The following DOCK8 variants were observed in gnomAD, a reference collection of about 807,000 sequenced individuals.
DOCK8 encodes the protein dedicator of cytokinesis 8, also known as dedicator of cytokinesis protein 8.
A neutral mutation model predicts 245.6 loss-of-function variants in DOCK8; 141 were observed. That is an observed-to-expected ratio of 0.57 (90% CI 0.50 to 0.66). DOCK8 has a LOEUF of 0.66. Among genes scored for constraint, DOCK8 ranks in the 30% least tolerant of loss-of-function variants. The pLI is 0.00. For synonymous variants in DOCK8, 1,168 were observed against 970.2 expected, an observed-to-expected ratio of 1.20 and a Z score of -3.79; for missense variants, 2,965 against 2,603.4, an observed-to-expected ratio of 1.14 and a Z score of -3.02.
rs530827485 is a variant in DOCK8, at chr9:461,527, A to ATTTTTTTTTTTTT, written c.6069-1973_6069-1961dup. On this transcript the variant is annotated intron_variant, in intron 46 of 47. Transcript: ENST00000432829. ...GAGTTTTTTGTCTTTTAGCAACTGC[A>ATTTTTTTTTTTTT]TTTTTTTTTTTTTTTTTTTTTTTTT... is the stretch of plus-strand genomic sequence containing the variant. Among the ~76,000 whole-genome samples, 10 of 67,286 alleles carry ATTTTTTTTTTTTT rather than the reference A, an allele frequency of 1.5e-4. 4 individuals are homozygous for ATTTTTTTTTTTTT. Among genetic ancestry groups the ATTTTTTTTTTTTT allele is most frequent in the African/African-American group, 6.9e-4 (10 of 14,470 alleles). 44.1% of individuals were successfully genotyped at this position (67,286 alleles called of 152,430 possible).
intron 41 of DOCK8, 122 bp from the exon 42 acceptor site, chr9:441,753 G>A (rs1324569291): frequency 1.6e-6 from 2 of 1,288,980 alleles, no homozygotes; most frequent in African/African-American, 3.0e-5. Context: ...AGTAATTTCT[G>A]TTTACATCAG....
chr9:265,354 CAA>C (rs1172366265), intron 1 of DOCK8, among the ~76,000 whole-genome samples: 2 of 152,208 alleles, frequency 1.3e-5, no homozygotes, highest in Non-Finnish European at 2.9e-5. Flanking sequence ...AGTCCTGAAA[CAA>C]TGGCTATTTT....
chr9:452,281 T>A (rs1187604113), intron 46 of DOCK8, among the ~76,000 whole-genome samples, 164 bp downstream of exon 46: 3 of 152,114 alleles, frequency 2.0e-5, no homozygotes, highest in Admixed American at 1.3e-4. Flanking sequence ...CTCAGCAATG[T>A]GCAGTTTAAC....
chr9:366,534 G>T (rs1423096264), intron 14 of DOCK8: 1 of 152,110 alleles, frequency 6.6e-6, no homozygotes, highest in Non-Finnish European at 1.5e-5. Context: ...CTTGATGTGG[G>T]ATGTTCTTCT....
chr9:246,328 G>A (rs921601367), intron 1 of DOCK8, among the ~76,000 whole-genome samples: 1 of 152,048 alleles, frequency 6.6e-6, no homozygotes, highest in African/African-American at 2.4e-5. Flanking sequence ...AGACCAGCCT[G>A]GGCAACATAG....
intron 14 of DOCK8, among the ~76,000 whole-genome samples, chr9:364,659 A>AAAAAAAG (rs2052889618): frequency 6.8e-6 from 1 of 147,796 alleles, no homozygotes; most frequent in African/African-American, 2.5e-5. Context: ...AAAAAAAAAA[A>AAAAAAAG]GGTTTAATGT....
intron 14 of DOCK8, among the ~76,000 whole-genome samples, chr9:341,448 C>T (rs1468940171): frequency 6.6e-6 from 1 of 152,178 alleles, no homozygotes; most frequent in Non-Finnish European, 1.5e-5. Context: ...CTCTTCCCCA[C>T]CATCCAGAAA....
intron 2 of DOCK8, among the ~76,000 whole-genome samples, chr9:285,977 A>T (rs1010419211): frequency 2.6e-5 from 4 of 152,120 alleles, no homozygotes; most frequent in African/African-American, 9.7e-5. Context: ...TGCTTTCGAG[A>T]ACCAATGTAT....
intron 2 of DOCK8, among the ~76,000 whole-genome samples, chr9:282,088 G>A (rs926767470): frequency 2.8e-4 from 43 of 152,282 alleles, no homozygotes; most frequent in African/African-American, 8.9e-4. Context: ...GATGATATAT[G>A]TTCTTTATCA....
intron 4 of DOCK8, among the ~76,000 whole-genome samples, chr9:293,461 G>C (rs922916529): frequency 6.6e-6 from 1 of 152,228 alleles, no homozygotes; most frequent in Non-Finnish European, 1.5e-5. Context: ...GAAGGACAAG[G>C]AGAAGGTGGT....
At chr9:336,772 C>T in intron 12 of DOCK8, 54 bp downstream of exon 12, 1 of 1,605,722 alleles carries the variant, frequency 6.2e-7, no homozygotes, top group East Asian at 2.2e-5. Flanking sequence ...GGCATGGGCA[C>T]TGGAACCCAC....
At chr9:428,763 G>T (rs2056595692) in intron 35 of DOCK8, among the ~76,000 whole-genome samples, 1 of 152,194 alleles carries the variant, frequency 6.6e-6, no homozygotes. Flanking sequence ...TATGACATGA[G>T]AACAGAGATC....
chr9:237,879 A>G (rs1434482217), intron 1 of DOCK8, among the ~76,000 whole-genome samples: 2 of 151,982 alleles, frequency 1.3e-5, no homozygotes, highest in African/African-American at 4.8e-5. Context: ...AAACAAAGTG[A>G]TTAATTTAGA....
chr9:430,373 C>A (rs2056663418), intron 36 of DOCK8, among the ~76,000 whole-genome samples: 1 of 151,450 alleles, frequency 6.6e-6, no homozygotes, highest in Non-Finnish European at 1.5e-5. Flanking sequence ...GACTTCATTT[C>A]AAAAAATAAT....
chr9:289,122 A>G (rs1023149238), intron 3 of DOCK8, among the ~76,000 whole-genome samples: 1 of 152,166 alleles, frequency 6.6e-6, no homozygotes, highest in Non-Finnish European at 1.5e-5. Context: ...CGCGTGTCCT[A>G]ACAAGGTTAC....
At chr9:463,291 AAC>A (rs926151648) in intron 46 of DOCK8, among the ~76,000 whole-genome samples, 4 of 151,634 alleles carry the variant, frequency 2.6e-5, no homozygotes, top group East Asian at 1.9e-4. Context: ...AAAAAAAACA[AAC>A]ACAGAGATTT....
intron 29 of DOCK8, among the ~76,000 whole-genome samples, chr9:416,218 C>G (rs1418165895): frequency 6.6e-6 from 1 of 152,228 alleles, no homozygotes; most frequent in Non-Finnish European, 1.5e-5. Flanking sequence ...GCAGCTTCCT[C>G]TAGCAGCGCC....
chr9:233,557 C>G (rs1411965874), intron 1 of DOCK8, among the ~76,000 whole-genome samples: 1 of 151,460 alleles, frequency 6.6e-6, no homozygotes, highest in Admixed American at 6.6e-5. Context: ...TCACTAAGGA[C>G]TTGCTTTATG....
chr9:306,918 C>G (rs1268957934), intron 5 of DOCK8, among the ~76,000 whole-genome samples: 5 of 152,080 alleles, frequency 3.3e-5, no homozygotes, highest in Non-Finnish European at 2.9e-5. Flanking sequence ...CTCAAGATCT[C>G]AGAGGGAAAA....
Sources: gnomAD v4.1 joint callset for allele counts (sites outside exome capture counted in the v4.1 genomes callset) on GRCh38, gnomAD v4.1.1 for gene constraint, MANE v1.5 for transcripts, NCBI Gene and HGNC (gene_info 2026-07-23, HGNC 2026-07-21) for gene names.